Variants in HECTD2 observed in about 807,000 individuals in gnomAD.
HECTD2 encodes the protein probable E3 ubiquitin-protein ligase HECTD2.
Under a neutral mutation model 103.2 loss-of-function variants are expected in HECTD2, and 35 were observed. That is an observed-to-expected ratio of 0.34 (90% CI 0.26 to 0.45). The LOEUF is 0.45. HECTD2 is among the 20% of genes least tolerant of loss of function. HECTD2 has a pLI of 1.00. For synonymous variants in HECTD2, 281 were observed against 329.9 expected, an observed-to-expected ratio of 0.85 and a Z score of 1.61; for missense variants, 596 against 937.4, an observed-to-expected ratio of 0.64 and a Z score of 4.76.
At chr10:91,493,911 T>TATA (rs1317983013) in intron 14 of HECTD2, among the ~76,000 whole-genome samples, 22 of 152,166 alleles carry the variant, frequency 1.4e-4, no homozygotes, top group East Asian at 1.9e-4. Flanking sequence ...ATCTAGCTCT[T>TATA]TAATATGCCT....
At chr10:91,465,907 T>TATC (rs1171138139) in intron 5 of HECTD2, among the ~76,000 whole-genome samples, 7 of 152,220 alleles carry the variant, frequency 4.6e-5, no homozygotes, top group African/African-American at 1.7e-4. Context: ...TTTCTTGTAA[T>TATC]ATCTTTCTCT....
chr10:91,480,160 C>G (rs2133273967), intron 6 of HECTD2, among the ~76,000 whole-genome samples: 1 of 152,080 alleles, frequency 6.6e-6, no homozygotes, highest in Non-Finnish European at 1.5e-5. Context: ...TAGCTGCTTC[C>G]TGAATATTAT....
intron 1 of HECTD2, among the ~76,000 whole-genome samples, chr10:91,424,300 G>C (rs962257613): frequency 1.4e-4 from 21 of 152,274 alleles, no homozygotes; most frequent in African/African-American, 5.1e-4. Flanking sequence ...GGGGAATTTA[G>C]TGAGCATAAA....
At chr10:91,420,245 A>C (rs1167276314) in intron 1 of HECTD2, among the ~76,000 whole-genome samples, 4 of 151,680 alleles carry the variant, frequency 2.6e-5, no homozygotes, top group African/African-American at 4.9e-5. Context: ...TAGACCAAGG[A>C]ATTTTTTTCT....
At chr10:91,490,215 T>C (rs1209414686) in intron 11 of HECTD2, among the ~76,000 whole-genome samples, 2 of 140,472 alleles carry the variant, frequency 1.4e-5, no homozygotes, top group Admixed American at 1.3e-4. Flanking sequence ...AACACAATTT[T>C]ATTTCCTACT....
At chr10:91,510,912 A>G (rs1241252364) in intron 20 of HECTD2, among the ~76,000 whole-genome samples, 1 of 152,198 alleles carries the variant, frequency 6.6e-6, no homozygotes, top group African/African-American at 2.4e-5. Flanking sequence ...ATCCCTGAAC[A>G]GGTTACTTGT....
At chr10:91,434,709 A>G (rs1327639051) in intron 2 of HECTD2, among the ~76,000 whole-genome samples, 1 of 151,898 alleles carries the variant, frequency 6.6e-6, no homozygotes, top group Admixed American at 6.6e-5. Context: ...GTTTTTATAC[A>G]TAGTATAAGG....
intron 2 of HECTD2, among the ~76,000 whole-genome samples, chr10:91,436,326 G>A (rs11186570): frequency 0.2 from 30,476 of 151,866 alleles, 7,264 homozygotes; most frequent in African/African-American, 0.58. Context: ...TGTTGATTGA[G>A]GAACCCTGAT....
chr10:91,410,193 G>C (rs1340847439), upstream of HECTD2: 2 of 151,930 alleles, frequency 1.3e-5, no homozygotes, highest in African/African-American at 4.8e-5. Flanking sequence ...CGGGCGGGCG[G>C]GGGAGGCGAG....
intron 18 of HECTD2, 44 bp from the exon 19 acceptor site, chr10:91,500,458 C>G: frequency 1.4e-6 from 1 of 731,304 alleles, no homozygotes; most frequent in Non-Finnish European, 2.3e-6. Context: ...TCACTTAAAA[C>G]CATCACTCTT....
At chr10:91,486,583 G>A (rs1223092037) in intron 10 of HECTD2, 1 of 152,098 alleles carries the variant, frequency 6.6e-6, no homozygotes, top group Non-Finnish European at 1.5e-5. Context: ...GTGATCTCTG[G>A]CCATGAGCAG....
At chr10:91,477,826 G>A (rs1845962925) in intron 5 of HECTD2, among the ~76,000 whole-genome samples, 1 of 151,916 alleles carries the variant, frequency 6.6e-6, no homozygotes, top group South Asian at 2.1e-4. Flanking sequence ...TTTAGTATTT[G>A]GATTATTAAA....
chr10:91,501,848 C>G (rs1044577261), intron 20 of HECTD2, among the ~76,000 whole-genome samples: 3 of 151,646 alleles, frequency 2.0e-5, no homozygotes, highest in African/African-American at 7.3e-5. Context: ...TATTTTCTAG[C>G]AGTGTTAATG....
intron 1 of HECTD2, among the ~76,000 whole-genome samples, chr10:91,416,471 G>A (rs1843131848): frequency 6.6e-6 from 1 of 152,156 alleles, no homozygotes; most frequent in African/African-American, 2.4e-5. Flanking sequence ...GTTGTCTACA[G>A]TATTCAGCAT....
chr10:91,487,859 G>T lies in HECTD2; in HGVS notation c.1191+81G>T. On this transcript the variant is annotated intron_variant, in intron 11 of 20. Transcript: ENST00000298068. This position sits in a 1 kb window ranked among gnomAD's most constrained non-coding sequence, Gnocchi z 4.1. ...TTAATAAATAATTTAAATGTCTTGT[G>T]AATTGTTCTAGCATAATCAGGAATG... 1 of 858,308 alleles carries T rather than the reference G, an allele frequency of 1.2e-6. No individual in the cohort carries two copies. Among genetic ancestry groups the T allele is most frequent in the South Asian group, 2.1e-5 (1 of 48,338 alleles). 53.2% of individuals were successfully genotyped at this position (858,308 alleles called of 1,614,324 possible). A position where few individuals can be genotyped will look rare whatever the true frequency, so the allele number is the denominator to read the frequency against.
chr10:91,459,475 G>A (rs968735771), intron 2 of HECTD2, among the ~76,000 whole-genome samples: 2 of 151,898 alleles, frequency 1.3e-5, no homozygotes, highest in Non-Finnish European at 2.9e-5. Context: ...CCCAAATAGT[G>A]GAATACTATT....
chr10:91,428,158 C>G (rs376350745), intron 2 of HECTD2, among the ~76,000 whole-genome samples: 1 of 151,166 alleles, frequency 6.6e-6, no homozygotes, highest in African/African-American at 2.4e-5. Context: ...GCTTGTTTTT[C>G]TCAGGTTTGT....
intron 2 of HECTD2, among the ~76,000 whole-genome samples, chr10:91,453,735 A>G (rs1844936790): frequency 6.6e-6 from 1 of 152,132 alleles, no homozygotes; most frequent in African/African-American, 2.4e-5. Context: ...TCTAAATAAA[A>G]GATATTGTCA....
intron 2 of HECTD2, among the ~76,000 whole-genome samples, chr10:91,454,458 G>A (rs1174698777): frequency 6.6e-6 from 1 of 152,070 alleles, no homozygotes; most frequent in Non-Finnish European, 1.5e-5. Context: ...AAATCGATGA[G>A]ATGGAATGAA....
Sources: allele counts gnomAD v4.1 joint callset (sites outside exome capture counted in the v4.1 genomes callset), GRCh38; gene constraint gnomAD v4.1.1; non-coding constraint Gnocchi (gnomAD v3.1); transcripts MANE v1.5; gene names NCBI Gene and HGNC (gene_info 2026-07-23, HGNC 2026-07-21).